DOK6: variants seen among roughly 807,000 people sequenced by gnomAD.
DOK6 encodes docking protein 6.
DOK6 carries 22 observed loss-of-function variants against 44.0 expected under a neutral mutation model. That is an observed-to-expected ratio of 0.50 (90% CI 0.36 to 0.71). DOK6 has a LOEUF of 0.71. Ranked by LOEUF, DOK6 falls within the 30% of genes least tolerant of loss-of-function variation. The pLI is 0.00. For missense variants in DOK6, 340 were observed against 416.4 expected (o/e 0.82, Z 1.60); for synonymous variants, 166 against 145.5 (o/e 1.14, Z -1.01).
intron 3 of DOK6, among the ~76,000 whole-genome samples, chr18:69,608,181 T>C (rs1984046325): frequency 6.6e-6 from 1 of 152,234 alleles, no homozygotes; most frequent in South Asian, 2.1e-4. Context: ...TGATTTGATG[T>C]TTGGATGTAG....
chr18:69,733,513 A>G (rs34583044), intron 5 of DOK6, among the ~76,000 whole-genome samples: 17,987 of 152,206 alleles, frequency 0.12, 1,092 homozygotes, highest in Middle Eastern at 0.16. Flanking sequence ...ATCACCTCAC[A>G]TAGTCATCAT....
chr18:69,542,454 A>G (rs1425843786), intron 1 of DOK6, among the ~76,000 whole-genome samples: 1 of 151,476 alleles, frequency 6.6e-6, no homozygotes, highest in East Asian at 1.9e-4. Flanking sequence ...TATGAAAGTG[A>G]TGACCAAAAT....
intron 1 of DOK6, among the ~76,000 whole-genome samples, chr18:69,557,147 C>G (rs767599139): frequency 5.3e-5 from 8 of 152,196 alleles, no homozygotes; most frequent in Non-Finnish European, 1.2e-4. Context: ...AGCTACGACA[C>G]TTCGTTCTAT....
intron 2 of DOK6, among the ~76,000 whole-genome samples, chr18:69,568,238 T>C (rs1415279257): frequency 6.6e-6 from 1 of 152,146 alleles, no homozygotes; most frequent in South Asian, 2.1e-4. Flanking sequence ...TTACAAACAA[T>C]AGTGGCTCCA....
chr18:69,485,881 A>ATGTG (rs3044887), intron 1 of DOK6, among the ~76,000 whole-genome samples: 11,682 of 147,112 alleles, frequency 0.079, 1,044 homozygotes, highest in African/African-American at 0.22. Flanking sequence ...ATACGTATAT[A>ATGTG]TGTGTGTGTG....
chr18:69,708,864 G>C (rs1008696865), intron 5 of DOK6, among the ~76,000 whole-genome samples: 1 of 151,394 alleles, frequency 6.6e-6, no homozygotes, highest in Admixed American at 6.6e-5. Context: ...GATTAAATTC[G>C]GCAAACACCT....
chr18:69,507,472 T>C (rs1981228620), intron 1 of DOK6, among the ~76,000 whole-genome samples: 1 of 152,226 alleles, frequency 6.6e-6, no homozygotes, highest in Non-Finnish European at 1.5e-5. Flanking sequence ...AAAAATGTAT[T>C]ATTTTGGAGA....
chr18:69,529,525 T>G (rs1370643662), intron 1 of DOK6, among the ~76,000 whole-genome samples: 1 of 152,242 alleles, frequency 6.6e-6, no homozygotes, highest in Non-Finnish European at 1.5e-5. Flanking sequence ...ATACAAATGT[T>G]TCTTGAGTCT....
At position 69,401,267 on chromosome 18, in the gene DOK6, T is replaced by A; in HGVS notation, c.23T>A (p.Ile8Lys). ...GCCATGGCCTCCAACTTTAACGACA[T>A]AGTCAAGCAGGGCTACGTGAAAATC... MASNFND[I>K]VKQGYVKIRS... The change falls in exon 1 of 8, where the codon ATA becomes AAA. Residue 8 changes from isoleucine (I) to lysine (K), a missense_variant. By Grantham distance (102) the Ile-to-Lys change is moderately radical. Around this residue, in one of 3 missense-constraint regions of DOK6, gnomAD observed 206 missense variants for 258.6 expected, o/e 0.80. Coordinates refer to ENST00000382713, the MANE Select transcript of DOK6 (RefSeq NM_152721.6). 1 of 1,583,626 alleles carries A rather than the reference T, an allele frequency of 6.3e-7. No individual in the cohort carries two copies. Among genetic ancestry groups the A allele is most frequent in the Non-Finnish European group, 8.6e-7 (1 of 1,165,718 alleles).
chr18:69,431,853 G>C (rs1033714093), intron 1 of DOK6, among the ~76,000 whole-genome samples: 2 of 152,140 alleles, frequency 1.3e-5, no homozygotes, highest in Admixed American at 6.5e-5. Flanking sequence ...AAGTTACAAA[G>C]ATAGTACAGA....
chr18:69,717,864 T>G (rs1022514391), intron 5 of DOK6, among the ~76,000 whole-genome samples: 1 of 152,214 alleles, frequency 6.6e-6, no homozygotes, highest in Non-Finnish European at 1.5e-5. Context: ...GGAAGTTATT[T>G]ACTATCTCTA....
At chr18:69,561,790 T>A (rs767032982) in intron 1 of DOK6, among the ~76,000 whole-genome samples, 7 of 152,174 alleles carry the variant, frequency 4.6e-5, no homozygotes, top group Non-Finnish European at 1.0e-4. Flanking sequence ...GCTTGGTTGT[T>A]CTACTTTTAT....
intron 7 of DOK6, among the ~76,000 whole-genome samples, chr18:69,824,203 A>G (rs1323896332): frequency 4.5e-5 from 1 of 22,172 alleles, no homozygotes. Context: ...CCCTCCCCCC[A>G]CCCCACAACA....
intron 3 of DOK6, among the ~76,000 whole-genome samples, chr18:69,615,366 G>T (rs1483874399): frequency 6.6e-6 from 1 of 152,156 alleles, no homozygotes; most frequent in African/African-American, 2.4e-5. Context: ...ATTTCTGTTT[G>T]CTGATTGTTC....
intron 5 of DOK6, among the ~76,000 whole-genome samples, chr18:69,712,281 A>C (rs867191422): frequency 4.8e-5 from 1 of 20,990 alleles, no homozygotes; most frequent in Admixed American, 3.6e-4. Flanking sequence ...ACTCCGTCTC[A>C]AAAAAAAAAA....
chr18:69,544,223 A>C (rs1488392587), intron 1 of DOK6, among the ~76,000 whole-genome samples: 1 of 150,394 alleles, frequency 6.6e-6, no homozygotes, highest in Non-Finnish European at 1.5e-5. Context: ...GAGCCATTGC[A>C]CTCCAGCCTG....
intron 3 of DOK6, among the ~76,000 whole-genome samples, chr18:69,630,388 T>A (rs1199238760): frequency 6.6e-6 from 1 of 152,244 alleles, no homozygotes; most frequent in African/African-American, 2.4e-5. Flanking sequence ...CACATTTTAG[T>A]TCCCTTGGAT....
intron 4 of DOK6, among the ~76,000 whole-genome samples, chr18:69,695,444 T>G (rs1302146277): frequency 6.6e-6 from 1 of 152,210 alleles, no homozygotes; most frequent in African/African-American, 2.4e-5. Flanking sequence ...GATAGAATTG[T>G]TTCACAAAGA....
intron 3 of DOK6, among the ~76,000 whole-genome samples, chr18:69,645,552 G>A (rs1022695579): frequency 1.3e-5 from 2 of 151,994 alleles, no homozygotes; most frequent in Admixed American, 6.6e-5. Flanking sequence ...TGGCTTACTG[G>A]GCAAAATACA....
Sources: allele counts gnomAD v4.1 joint callset (sites outside exome capture counted in the v4.1 genomes callset), GRCh38; gene constraint gnomAD v4.1.1; regional missense constraint gnomAD v4.1.1; transcripts MANE v1.5; gene names NCBI Gene and HGNC (gene_info 2026-07-23, HGNC 2026-07-21).